Variants in ADAMTSL1 observed in about 807,000 individuals in gnomAD.
ADAMTSL1 encodes the protein ADAMTS-like protein 1.
In ADAMTSL1, 126 loss-of-function variants were observed where a neutral mutation model predicts 201.8. That is an observed-to-expected ratio of 0.62 (90% CI 0.54 to 0.72). The LOEUF is 0.72. ADAMTSL1 is among the 30% of genes least tolerant of loss of function. ADAMTSL1 has a pLI of 0.00. For missense variants in ADAMTSL1, 2,679 were observed against 2,277.8 expected, an observed-to-expected ratio of 1.18 and a Z score of -3.59; for synonymous variants, 1,121 against 903.4, an observed-to-expected ratio of 1.24 and a Z score of -4.32.
At chr9:18,268,620 T>C (rs1390288267) in intron 2 of ADAMTSL1, among the ~76,000 whole-genome samples, 3 of 152,122 alleles carry the variant, frequency 2.0e-5, no homozygotes, top group African/African-American at 7.2e-5. Context: ...GGAATGTGGG[T>C]TGGCCAGAGA....
At chr9:18,597,516 C>A (rs1458471602) in intron 4 of ADAMTSL1, among the ~76,000 whole-genome samples, 3 of 152,136 alleles carry the variant, frequency 2.0e-5, no homozygotes, top group Non-Finnish European at 4.4e-5. Context: ...AGATTTGAAA[C>A]CTTGTCCTTG....
intron 1 of ADAMTSL1, among the ~76,000 whole-genome samples, chr9:18,040,506 A>C (rs1367235166): frequency 6.6e-6 from 1 of 152,182 alleles, no homozygotes; most frequent in East Asian, 1.9e-4. Context: ...AATCATGGGA[A>C]ATTATACATT....
intron 2 of ADAMTSL1, among the ~76,000 whole-genome samples, chr9:18,287,591 A>T (rs539107050): frequency 8.9e-5 from 12 of 135,572 alleles, no homozygotes; most frequent in Admixed American, 8.5e-4. Flanking sequence ...ATGTGTATAT[A>T]TACACACATA....
chr9:18,526,817 T>C (rs1031404950), intron 2 of ADAMTSL1, among the ~76,000 whole-genome samples: 1 of 152,160 alleles, frequency 6.6e-6, no homozygotes, highest in East Asian at 1.9e-4. Context: ...CAGTACTACT[T>C]AAAATCCCTT....
rs553994261 is a variant in ADAMTSL1, at chr9:18,220,181, A to G, written c.207+56200A>G. ...TCTTTACTAATTTTTCACCTGCTTC[A>G]TTGATCAGTTTTGGTTTAGATATGA... On this transcript the variant is annotated intron_variant, in intron 2 of 29. Coordinates refer to the ADAMTSL1 transcript ENST00000680146. Among the ~76,000 whole-genome samples the G allele has an allele frequency of 2.0e-5, 3 of 152,236 alleles. No individual in the cohort carries two copies. The East Asian group carries it at 5.8e-4, about 29-fold the overall frequency.
chr9:18,329,904 T>A (rs1000235151), intron 2 of ADAMTSL1, among the ~76,000 whole-genome samples: 1 of 152,212 alleles, frequency 6.6e-6, no homozygotes, highest in Non-Finnish European at 1.5e-5. Flanking sequence ...CATGATTTCT[T>A]GGAGTTTACA....
intron 1 of ADAMTSL1, among the ~76,000 whole-genome samples, chr9:18,030,697 G>C (rs539791700): frequency 2.4e-4 from 37 of 152,186 alleles, no homozygotes; most frequent in African/African-American, 7.9e-4. Flanking sequence ...TTACTAGAGA[G>C]AATTGACCTC....
intron 1 of ADAMTSL1, among the ~76,000 whole-genome samples, chr9:18,497,336 C>T (rs1172887795): frequency 1.5e-5 from 2 of 129,274 alleles, no homozygotes; most frequent in Non-Finnish European, 3.6e-5. Flanking sequence ...TTCCACTTTT[C>T]CTTTGTAAAA....
chr9:18,867,099 CTCAAGT>C (rs1201722883), intron 23 of ADAMTSL1, among the ~76,000 whole-genome samples: 5 of 152,194 alleles, frequency 3.3e-5, no homozygotes, highest in Non-Finnish European at 7.3e-5. Context: ...AACTATGTAC[CTCAAGT>C]TCAGAGGTTC....
chr9:17,997,393 G>C (rs1052713825), intron 1 of ADAMTSL1, among the ~76,000 whole-genome samples: 1 of 152,042 alleles, frequency 6.6e-6, no homozygotes, highest in African/African-American at 2.4e-5. Context: ...TTGTTGTGTT[G>C]TATATATGGG....
At chr9:18,333,213 C>G (rs545130612) in intron 2 of ADAMTSL1, among the ~76,000 whole-genome samples, 135 of 152,246 alleles carry the variant, frequency 8.9e-4, no homozygotes, top group Non-Finnish European at 1.7e-3. Context: ...CCACCTAAAT[C>G]TCATCTTGAA....
At chr9:17,926,373 A>G (rs958059109) in intron 1 of ADAMTSL1, among the ~76,000 whole-genome samples, 3 of 152,138 alleles carry the variant, frequency 2.0e-5, no homozygotes, top group African/African-American at 7.2e-5. Flanking sequence ...ATGGTTTAAC[A>G]CCACCAAGGT....
intron 23 of ADAMTSL1, among the ~76,000 whole-genome samples, chr9:18,856,903 A>G (rs1414614245): frequency 1.3e-5 from 2 of 152,190 alleles, no homozygotes; most frequent in African/African-American, 4.8e-5. Context: ...AGAAAGGGGG[A>G]AAATTGTTCA....
chr9:18,818,546 C>T (rs745542130), intron 21 of ADAMTSL1, among the ~76,000 whole-genome samples: 2 of 152,124 alleles, frequency 1.3e-5, no homozygotes, highest in African/African-American at 4.8e-5. Flanking sequence ...AATCTCAGCA[C>T]TTTGGGAAGC....
chr9:18,777,595 C>T lies in ADAMTSL1; in HGVS notation c.3366C>T (p.Pro1122=), dbSNP rs774133870. Reference sequence around the variant, plus strand: ...AGCACCAGGACACGCTCCTGAAGCCCTCGGAGCGCAGGACTTCCCCAGTGA... The same window carrying T: ...AGCACCAGGACACGCTCCTGAAGCCTTCGGAGCGCAGGACTTCCCCAGTGA... ...HLEHQDTLLK[P]SERRTSPVTL... The change falls in exon 19 of 29, where the codon CCC becomes CCT. Residue 1122 remains proline, a synonymous_variant. Coordinates refer to ENST00000380548, the MANE Select transcript of ADAMTSL1 (RefSeq NM_001040272.6). The T allele has an allele frequency of 1.1e-5, 18 of 1,612,538 alleles. No individual in the cohort carries two copies. Among genetic ancestry groups the T allele is most frequent in the South Asian group, 1.1e-4 (10 of 90,736 alleles).
chr9:18,306,961 A>T (rs965538361), intron 2 of ADAMTSL1, among the ~76,000 whole-genome samples: 1 of 152,226 alleles, frequency 6.6e-6, no homozygotes, highest in Admixed American at 6.5e-5. Context: ...TGGGTTACCC[A>T]CAAAGGGAAG....
At chr9:18,831,106 A>G (rs1262547985) in intron 23 of ADAMTSL1, among the ~76,000 whole-genome samples, 1 of 152,224 alleles carries the variant, frequency 6.6e-6, no homozygotes, top group Non-Finnish European at 1.5e-5. Flanking sequence ...TTCATCTGAA[A>G]CTTGCAAAGA....
At chr9:18,844,656 G>T (rs562815482) in intron 23 of ADAMTSL1, among the ~76,000 whole-genome samples, 3 of 152,242 alleles carry the variant, frequency 2.0e-5, no homozygotes, top group Non-Finnish European at 4.4e-5. Context: ...GCCTACAGAG[G>T]CAGGCAGGCC....
rs770620465 is a variant in ADAMTSL1 at position 18,777,275 on chromosome 9, A to G, written c.3046A>G (p.Asn1016Asp). ...GGCGGAGAAGCGGGGCCTGGCCGCC[A>G]ACCCGGGGAGCCGCTACGACGACCT... Reference protein sequence around the residue: ...SKAEKRGLAANPGSRYDDLVS... With the variant: ...SKAEKRGLAADPGSRYDDLVS... Residue 1016 changes from asparagine to aspartate, a missense_variant, in exon 19 of 29, where the codon AAC becomes GAC. Asn to Asp is a conservative substitution (Grantham distance 23, BLOSUM62 1). Transcript: ENST00000380548. 1 of 1,608,886 alleles carries G rather than the reference A, an allele frequency of 6.2e-7. No individual in the cohort carries two copies. The highest frequency in any genetic ancestry group is 1.1e-5 in the South Asian group (1 of 90,652).
Sources: allele counts gnomAD v4.1 joint callset (sites outside exome capture counted in the v4.1 genomes callset), GRCh38; gene constraint gnomAD v4.1.1; transcripts MANE v1.5; gene names NCBI Gene and HGNC (gene_info 2026-07-23, HGNC 2026-07-21).